UBE2U: variants seen among roughly 807,000 people sequenced by gnomAD.
UBE2U encodes the protein ubiquitin conjugating enzyme E2 U.
In UBE2U, 39 loss-of-function variants were observed where a neutral mutation model predicts 41.2. The observed-to-expected ratio is 0.95, with a 90% confidence interval of 0.73 to 1.24. The LOEUF is 1.24. Among genes scored for constraint, UBE2U ranks in the 50% most tolerant of loss-of-function variants. The pLI, the probability that UBE2U is intolerant of heterozygous loss-of-function variation, is 0.00. For synonymous variants in UBE2U, 107 were observed against 117.8 expected (o/e 0.91, Z 0.60); for missense variants, 336 against 363.1 (o/e 0.93, Z 0.61).
At position 64,260,800 on chromosome 1, in the gene UBE2U, G is replaced by T. The variant is rs1260573916; in HGVS notation, c.769+106G>T. On this transcript the variant is annotated intron_variant, in intron 9 of 9. Transcript: ENST00000371077. ...TTTAAGTAAGTTGGAATATATGAGG[G>T]CTAATCCTTGTGTTCTCCTTTTAAG... The T allele has an allele frequency of 8.7e-6, 7 of 803,330 alleles. No homozygotes were observed. In the East Asian group the frequency reaches 1.4e-4, roughly 16 times the overall value. The allele number at this position is 803,330 out of a possible 1,614,324, so 49.8% of individuals were successfully genotyped here.
chr1:64,230,246 C>T (rs185016631), intron 6 of UBE2U, among the ~76,000 whole-genome samples: 51 of 152,254 alleles, frequency 3.3e-4, no homozygotes, highest in Non-Finnish European at 1.5e-5. Context: ...ATTTAATCTC[C>T]CTTCTATACT....
In UBE2U at chr1:64,267,044, C is replaced by T; in HGVS notation, c.790C>T (p.Pro264Ser). The T allele has an allele frequency of 6.5e-7, 1 of 1,548,384 alleles. No individual in the cohort carries two copies. Among genetic ancestry groups the T allele is most frequent in the Admixed American group, 2.0e-5 (1 of 50,608 alleles). ...CACAGATGAAATTTTTCTTGAGTCA[C>T]CAACTGCAATAAATAGCATCACAGA... ...PTLNEIFLES[P>S]TAINSITDIY... The change falls in exon 10 of 10, where the codon CCA becomes TCA. Residue 264 changes from proline to serine, a missense_variant. Coordinates refer to ENST00000371077, the MANE Select transcript of UBE2U (RefSeq NM_001366232.2).
At chr1:64,218,528 C>T (rs1424855094) in intron 5 of UBE2U, among the ~76,000 whole-genome samples, 1 of 152,174 alleles carries the variant, frequency 6.6e-6, no homozygotes, top group Admixed American at 6.5e-5. Context: ...CTGCCAGAGG[C>T]AACAATAGCT....
chr1:64,226,151 C>T (rs1004913616), intron 6 of UBE2U, among the ~76,000 whole-genome samples: 8 of 151,914 alleles, frequency 5.3e-5, no homozygotes, highest in Non-Finnish European at 1.2e-4. Flanking sequence ...ATAAATTGTG[C>T]TTTATTAATA....
chr1:64,241,051 GTTAGT>G (rs1431342808), intron 7 of UBE2U, among the ~76,000 whole-genome samples: 1 of 152,180 alleles, frequency 6.6e-6, no homozygotes, highest in Non-Finnish European at 1.5e-5. Context: ...TAGCAGAACA[GTTAGT>G]TTTTATAAGG....
intron 8 of UBE2U, among the ~76,000 whole-genome samples, chr1:64,250,713 C>T (rs1644993539): frequency 6.6e-6 from 1 of 152,014 alleles, no homozygotes; most frequent in African/African-American, 2.4e-5. Flanking sequence ...CACATATACA[C>T]CATGGAATAC....
At chr1:64,213,631 C>G (rs2100275531) in intron 4 of UBE2U, among the ~76,000 whole-genome samples, 1 of 152,168 alleles carries the variant, frequency 6.6e-6, no homozygotes, top group African/African-American at 2.4e-5. Flanking sequence ...CTGGAGCATA[C>G]CAAAGACAAT....
chr1:64,224,704 C>G (rs575024234), intron 6 of UBE2U, among the ~76,000 whole-genome samples: 1 of 145,926 alleles, frequency 6.9e-6, no homozygotes, highest in South Asian at 2.2e-4. Flanking sequence ...GCCTGGGCAA[C>G]AGAGCGAGAC....
intron 4 of UBE2U, among the ~76,000 whole-genome samples, chr1:64,213,811 A>C (rs1651803685): frequency 6.6e-6 from 1 of 152,222 alleles, no homozygotes; most frequent in Non-Finnish European, 1.5e-5. Context: ...GCGTACTTAC[A>C]CAAACCAAGA....
intron 5 of UBE2U, among the ~76,000 whole-genome samples, chr1:64,216,982 G>C (rs892051413): frequency 6.6e-6 from 1 of 152,298 alleles, no homozygotes; most frequent in Admixed American, 6.5e-5. Flanking sequence ...CAGTGTACCA[G>C]TTTGAACAAA....
At chr1:64,228,278 G>T (rs1653015352) in intron 6 of UBE2U, among the ~76,000 whole-genome samples, 1 of 152,218 alleles carries the variant, frequency 6.6e-6, no homozygotes, top group Admixed American at 6.5e-5. Flanking sequence ...CTAATTTAGA[G>T]CCAGAGGTGT....
At chr1:64,247,176 G>T (rs1346683299) in intron 8 of UBE2U, among the ~76,000 whole-genome samples, 1 of 151,000 alleles carries the variant, frequency 6.6e-6, no homozygotes, top group African/African-American at 2.4e-5. Flanking sequence ...TATGAATTCA[G>T]TATTCTTTAT....
intron 9 of UBE2U, among the ~76,000 whole-genome samples, chr1:64,263,489 C>G (rs1645210203): frequency 6.6e-6 from 1 of 152,166 alleles, no homozygotes; most frequent in Non-Finnish European, 1.5e-5. Context: ...CCCAGCCATT[C>G]CCCAGCCAAA....
intron 8 of UBE2U, among the ~76,000 whole-genome samples, chr1:64,257,775 T>C (rs1199636973): frequency 6.6e-6 from 1 of 152,118 alleles, no homozygotes; most frequent in African/African-American, 2.4e-5. Flanking sequence ...GAACTTAAAA[T>C]AAAAGTTGAA....
At chr1:64,247,535 A>G (rs1486208909) in intron 8 of UBE2U, among the ~76,000 whole-genome samples, 2 of 152,074 alleles carry the variant, frequency 1.3e-5, no homozygotes, top group Admixed American at 6.5e-5. Flanking sequence ...CGGATAAGTA[A>G]GTTCTCCATT....
intron 8 of UBE2U, among the ~76,000 whole-genome samples, chr1:64,258,800 A>G (rs1645137659): frequency 6.6e-6 from 1 of 152,164 alleles, no homozygotes; most frequent in Admixed American, 6.5e-5. Context: ...CTGTGTCTTT[A>G]TAGTAGCATG....
At chr1:64,224,596 G>A (rs1186385211) in intron 6 of UBE2U, among the ~76,000 whole-genome samples, 2 of 152,054 alleles carry the variant, frequency 1.3e-5, no homozygotes, top group East Asian at 1.9e-4. Context: ...GGTGGCGCGT[G>A]CCTGTAATCC....
chr1:64,262,150 C>A (rs146780824), intron 9 of UBE2U, among the ~76,000 whole-genome samples: 247 of 152,324 alleles, frequency 1.6e-3, no homozygotes, highest in African/African-American at 5.7e-3. Context: ...GCTCTTCTCT[C>A]CCCTTCTTTA....
At chr1:64,207,313 G>A (rs1225475776) in intron 3 of UBE2U, among the ~76,000 whole-genome samples, 2 of 152,218 alleles carry the variant, frequency 1.3e-5, no homozygotes, top group Non-Finnish European at 2.9e-5. Context: ...ACCACACCTG[G>A]CTAGTTTTTG....
Sources: allele counts gnomAD v4.1 joint callset (sites outside exome capture counted in the v4.1 genomes callset), GRCh38; gene constraint gnomAD v4.1.1; transcripts MANE v1.5; gene names NCBI Gene and HGNC (gene_info 2026-07-23, HGNC 2026-07-21).